Variants in GPR39 observed in about 807,000 individuals in gnomAD.
GPR39 encodes zinc sensing receptor.
A neutral mutation model predicts 18.4 loss-of-function variants in GPR39; 23 were observed. The observed-to-expected ratio is 1.25, with a 90% CI of 0.90 to 1.77. The LOEUF is 1.77. GPR39 is among the 40% of genes most tolerant of loss of function. The pLI is 0.00. For synonymous variants in GPR39, 280 were observed against 257.9 expected (o/e 1.09, Z -0.82); for missense variants, 647 against 602.4 (o/e 1.07, Z -0.78).
intron 1 of GPR39, among the ~76,000 whole-genome samples, chr2:132,553,816 G>C (rs1195748524): frequency 6.6e-6 from 1 of 152,082 alleles, no homozygotes; most frequent in African/African-American, 2.4e-5. Flanking sequence ...AAACCCACAA[G>C]CAGATTCTTG....
intron 1 of GPR39, chr2:132,488,987 A>T (rs11678281): frequency 0.015 from 2,311 of 155,956 alleles, 41 homozygotes; most frequent in Non-Finnish European, 0.02. Context: ...GAGGACCCCT[A>T]TGACGCGGAG....
chr2:132,495,382 T>A (rs570242979), intron 1 of GPR39, among the ~76,000 whole-genome samples: 2 of 152,202 alleles, frequency 1.3e-5, no homozygotes, highest in East Asian at 3.9e-4. Flanking sequence ...GGTAGTGGGA[T>A]GTTGAGGTCG....
chr2:132,572,382 T>G (rs1470340880), intron 1 of GPR39, among the ~76,000 whole-genome samples: 1 of 152,150 alleles, frequency 6.6e-6, no homozygotes, highest in Non-Finnish European at 1.5e-5. Flanking sequence ...GAAGTGCATC[T>G]GAGCAGAGCA....
At chr2:132,472,877 G>A (rs1157206877) in intron 1 of GPR39, among the ~76,000 whole-genome samples, 1 of 151,978 alleles carries the variant, frequency 6.6e-6, no homozygotes, top group African/African-American at 2.4e-5. Context: ...TAACACAAGG[G>A]AGCTATTTTT....
chr2:132,590,902 C>G (rs1056241537), intron 1 of GPR39, among the ~76,000 whole-genome samples: 1 of 149,264 alleles, frequency 6.7e-6, no homozygotes, highest in African/African-American at 2.5e-5. Flanking sequence ...AGAGACAGAC[C>G]CACCCTCAAC....
intron 1 of GPR39, among the ~76,000 whole-genome samples, chr2:132,500,408 C>T (rs1679005053): frequency 6.6e-6 from 1 of 152,076 alleles, no homozygotes; most frequent in Non-Finnish European, 1.5e-5. Context: ...TTGAAACATT[C>T]CTGCATCCCT....
intron 1 of GPR39, among the ~76,000 whole-genome samples, chr2:132,428,672 A>G (rs1680172271): frequency 6.6e-6 from 1 of 152,200 alleles, no homozygotes; most frequent in Admixed American, 6.5e-5. Flanking sequence ...CTATGTCCTA[A>G]CATCAGGGTA....
intron 1 of GPR39, among the ~76,000 whole-genome samples, chr2:132,491,687 C>T (rs370398495): frequency 1.3e-5 from 2 of 151,774 alleles, no homozygotes; most frequent in Non-Finnish European, 2.9e-5. Flanking sequence ...GAGATTGGTT[C>T]GAAGTGTGTA....
chr2:132,520,100 C>T (rs1679396002), intron 1 of GPR39, among the ~76,000 whole-genome samples: 1 of 152,108 alleles, frequency 6.6e-6, no homozygotes, highest in Non-Finnish European at 1.5e-5. Context: ...AATTTATATT[C>T]TTACAACTCC....
At chr2:132,616,693 G>T (rs1324296017) in intron 1 of GPR39, among the ~76,000 whole-genome samples, 1 of 152,200 alleles carries the variant, frequency 6.6e-6, no homozygotes, top group African/African-American at 2.4e-5. Flanking sequence ...TCCAGCATGA[G>T]CTCCTTGAGG....
At chr2:132,537,018 A>G (rs1291917759) in intron 1 of GPR39, among the ~76,000 whole-genome samples, 1 of 152,114 alleles carries the variant, frequency 6.6e-6, no homozygotes, top group Non-Finnish European at 1.5e-5. Flanking sequence ...TTGACTCTTT[A>G]TCCAATTTGG....
At position 132,523,408 on chromosome 2, in the gene GPR39, G is replaced by A. The variant is rs146808452; in HGVS notation, c.856+105510G>A. On this transcript the variant is annotated intron_variant, in intron 1 of 1. Coordinates refer to ENST00000329321, the MANE Select transcript of GPR39 (RefSeq NM_001508.3). Reference sequence around the variant, plus strand: ...CACACTGTCCTTGTTTTGTTCATCCGTTCAGCTTAGACCTGTGAAAATTCT... The same window carrying A: ...CACACTGTCCTTGTTTTGTTCATCCATTCAGCTTAGACCTGTGAAAATTCT... Among the ~76,000 whole-genome samples the A allele has an allele frequency of 5.8e-3, 881 of 152,040 alleles. 5 individuals carry two copies. The highest frequency in any genetic ancestry group is 9.5e-3 in the Non-Finnish European group (649 of 67,982).
chr2:132,575,477 T>A (rs1477555408), intron 1 of GPR39, among the ~76,000 whole-genome samples: 1 of 152,206 alleles, frequency 6.6e-6, no homozygotes, highest in Non-Finnish European at 1.5e-5. Context: ...GTTAAATTGA[T>A]CCTCCTGCCT....
intron 1 of GPR39, among the ~76,000 whole-genome samples, chr2:132,609,138 G>A (rs1681195459): frequency 6.6e-6 from 1 of 152,320 alleles, no homozygotes; most frequent in African/African-American, 2.4e-5. Context: ...ATAATAGATT[G>A]TAGGTACGCG....
intron 1 of GPR39, among the ~76,000 whole-genome samples, chr2:132,643,432 A>G (rs1418127937): frequency 1.3e-5 from 2 of 152,208 alleles, no homozygotes; most frequent in Admixed American, 6.5e-5. Context: ...GGTCCCCTCC[A>G]ACAGCAGGCA....
intron 1 of GPR39, among the ~76,000 whole-genome samples, chr2:132,484,424 A>T (rs1039509582): frequency 6.6e-6 from 1 of 152,254 alleles, no homozygotes; most frequent in Non-Finnish European, 1.5e-5. Context: ...ATAGGCCACA[A>T]TGGGCATCAG....
chr2:132,423,587 G>T (rs944812039), intron 1 of GPR39, among the ~76,000 whole-genome samples: 4 of 151,966 alleles, frequency 2.6e-5, no homozygotes, highest in Admixed American at 6.6e-5. Flanking sequence ...TGCCTGGCAT[G>T]CTTTTCTATC....
chr2:132,524,695 AT>A (rs764355022), intron 1 of GPR39, among the ~76,000 whole-genome samples: 1 of 152,208 alleles, frequency 6.6e-6, no homozygotes, highest in Non-Finnish European at 1.5e-5. Flanking sequence ...TCCAAAGTCT[AT>A]CCTGAAACAC....
chr2:132,512,277 C>T (rs1284140228), intron 1 of GPR39, among the ~76,000 whole-genome samples: 1 of 152,128 alleles, frequency 6.6e-6, no homozygotes, highest in Non-Finnish European at 1.5e-5. Flanking sequence ...AGAATAGGCC[C>T]AGTTAACCAG....
Sources: gnomAD v4.1 joint callset for allele counts (sites outside exome capture counted in the v4.1 genomes callset) on GRCh38, gnomAD v4.1.1 for gene constraint, MANE v1.5 for transcripts, NCBI Gene and HGNC (gene_info 2026-07-23, HGNC 2026-07-21) for gene names.